NRXN3: variants seen among roughly 807,000 people sequenced by gnomAD.
The protein encoded by NRXN3 is neurexin 3, also known as neurexin III.
NRXN3 carries 32 observed loss-of-function variants against 137.6 expected under a neutral mutation model. The observed-to-expected ratio is 0.23, with a 90% CI of 0.18 to 0.31. NRXN3 has a LOEUF of 0.31. Among genes scored for constraint, NRXN3 ranks in the 10% least tolerant of loss-of-function variants. The pLI, the probability that NRXN3 is intolerant of heterozygous loss-of-function variation, is 1.00. For synonymous variants in NRXN3, 798 were observed against 784.5 expected (o/e 1.02, Z -0.29); for missense variants, 1,574 against 2,062.5 (o/e 0.76, Z 4.59).
chr14:79,387,659 T>G (rs796672590), intron 15 of NRXN3, among the ~76,000 whole-genome samples: 99,792 of 150,860 alleles, frequency 0.66, 33,775 homozygotes, highest in Middle Eastern at 0.85. Context: ...CACATGTATA[T>G]TTTATTGCAG....
chr14:78,244,257 C>T (rs1417918086), intron 2 of NRXN3, among the ~76,000 whole-genome samples: 1 of 152,062 alleles, frequency 6.6e-6, no homozygotes, highest in East Asian at 1.9e-4. Context: ...TGATGAAACC[C>T]TGTCTCTACT....
intron 11 of NRXN3, among the ~76,000 whole-genome samples, chr14:78,960,343 A>G (rs1275012357): frequency 2.0e-5 from 3 of 152,224 alleles, no homozygotes; most frequent in Admixed American, 2.0e-4. Context: ...TCAGGCAATG[A>G]AACTAAAATA....
intron 4 of NRXN3, among the ~76,000 whole-genome samples, chr14:78,509,795 C>T (rs2096067607): frequency 6.6e-6 from 1 of 152,088 alleles, no homozygotes; most frequent in African/African-American, 2.4e-5. Context: ...GACTCTTCTA[C>T]CTGCTTGAAC....
At chr14:79,458,603 G>A (rs576665605) in intron 15 of NRXN3, among the ~76,000 whole-genome samples, 2 of 152,262 alleles carry the variant, frequency 1.3e-5, no homozygotes, top group South Asian at 4.1e-4. Flanking sequence ...CCAGGAGCTC[G>A]TAGTAGAGAA....
At chr14:78,653,995 C>T (rs922220546) in intron 6 of NRXN3, among the ~76,000 whole-genome samples, 1 of 152,200 alleles carries the variant, frequency 6.6e-6, no homozygotes, top group African/African-American at 2.4e-5. Flanking sequence ...ACTCCTGCCC[C>T]GTCTGTTTTC....
intron 15 of NRXN3, among the ~76,000 whole-genome samples, chr14:79,399,578 G>A (rs2095130678): frequency 6.6e-6 from 1 of 151,988 alleles, no homozygotes; most frequent in Non-Finnish European, 1.5e-5. Flanking sequence ...CATTAGATGA[G>A]GAGAAAAAAT....
At chr14:78,614,407 G>A (rs1208627832) in intron 4 of NRXN3, among the ~76,000 whole-genome samples, 1 of 152,110 alleles carries the variant, frequency 6.6e-6, no homozygotes, top group Non-Finnish European at 1.5e-5. Context: ...CATATGAAAA[G>A]ATAGATGATT....
chr14:78,994,759 G>A (rs556866369), intron 15 of NRXN3, among the ~76,000 whole-genome samples: 27 of 152,286 alleles, frequency 1.8e-4, no homozygotes, highest in Non-Finnish European at 3.7e-4. Flanking sequence ...TGTAACATAA[G>A]GAGTGTAATA....
chr14:78,889,379 C>T (rs2099152766), intron 10 of NRXN3, among the ~76,000 whole-genome samples: 1 of 151,930 alleles, frequency 6.6e-6, no homozygotes, highest in Non-Finnish European at 1.5e-5. Flanking sequence ...AAGCATTGCA[C>T]TTGGTGTGTG....
intron 15 of NRXN3, chr14:79,280,435 G>C: frequency 2.5e-6 from 4 of 1,614,038 alleles, no homozygotes; most frequent in Non-Finnish European, 3.4e-6. Flanking sequence ...CCTCTTCCTC[G>C]CCGGGGTCTC....
chr14:78,349,526 C>T (rs1052210516), intron 4 of NRXN3, among the ~76,000 whole-genome samples: 1 of 152,202 alleles, frequency 6.6e-6, no homozygotes, highest in Non-Finnish European at 1.5e-5. Context: ...TTTAAAGTAG[C>T]TCTCTATCTA....
At chr14:79,798,754 AGGAGG>A (rs2099168271) in intron 19 of NRXN3, among the ~76,000 whole-genome samples, 1 of 152,208 alleles carries the variant, frequency 6.6e-6, no homozygotes. Flanking sequence ...TTGGGCAGTA[AGGAGG>A]GGACAGAGTG....
intron 19 of NRXN3, among the ~76,000 whole-genome samples, chr14:79,803,570 A>T (rs2099190350): frequency 6.6e-6 from 1 of 151,964 alleles, no homozygotes; most frequent in African/African-American, 2.4e-5. Context: ...CTTCATTTTA[A>T]CTTCATTACC....
At chr14:79,753,487 G>A (rs367681907) in intron 19 of NRXN3, among the ~76,000 whole-genome samples, 11 of 144,022 alleles carry the variant, frequency 7.6e-5, no homozygotes, top group African/African-American at 1.0e-4. Context: ...ACAAAACACC[G>A]CATGTTCTCA....
At chr14:79,711,999 T>C (rs1016120764) in intron 19 of NRXN3, among the ~76,000 whole-genome samples, 1 of 152,182 alleles carries the variant, frequency 6.6e-6, no homozygotes, top group African/African-American at 2.4e-5. Context: ...GACTCTGATG[T>C]CACTCTCCCC....
intron 1 of NRXN3, among the ~76,000 whole-genome samples, chr14:78,181,748 G>C (rs2059827376): frequency 6.6e-6 from 1 of 152,096 alleles, no homozygotes; most frequent in Admixed American, 6.5e-5. Context: ...AGCTACTTTG[G>C]GGCTCATTTT....
intron 4 of NRXN3, among the ~76,000 whole-genome samples, chr14:78,419,267 C>T (rs1004941393): frequency 6.6e-6 from 1 of 152,046 alleles, no homozygotes; most frequent in African/African-American, 2.4e-5. Context: ...TTGATAGGGT[C>T]TCACTCTGTC....
At chr14:78,356,311 C>T (rs1309504890) in intron 4 of NRXN3, among the ~76,000 whole-genome samples, 1 of 151,940 alleles carries the variant, frequency 6.6e-6, no homozygotes, top group African/African-American at 2.4e-5. Flanking sequence ...CCAGCTTGCC[C>T]TTATTCTCCT....
Position 78,549,347 on chromosome 14 carries a change from CT to C in NRXN3, c.758-95771del, listed in dbSNP as rs148893901. On this transcript the variant is annotated intron_variant, in intron 4 of 20. Transcript: ENST00000335750. Reference sequence around the variant, plus strand: ...TGCTATGTCATTTCTCCTGAAGGCCCTTCTCCTTCTCTTTGTTCACTTGATT... The same window carrying C: ...TGCTATGTCATTTCTCCTGAAGGCCCTCTCCTTCTCTTTGTTCACTTGATT... Among the ~76,000 whole-genome samples, 1,275 of 152,238 alleles carry C rather than the reference CT, an allele frequency of 8.4e-3. 14 individuals carry two copies. Among genetic ancestry groups the C allele is most frequent in the African/African-American group, 0.029 (1,195 of 41,534 alleles).
Sources: gnomAD v4.1 joint callset for allele counts (sites outside exome capture counted in the v4.1 genomes callset) on GRCh38, gnomAD v4.1.1 for gene constraint, MANE v1.5 for transcripts, NCBI Gene and HGNC (gene_info 2026-07-23, HGNC 2026-07-21) for gene names.